PEAK1: variants seen among roughly 807,000 people sequenced by gnomAD.
The protein encoded by PEAK1 is inactive tyrosine-protein kinase PEAK1.
PEAK1 carries 54 observed loss-of-function variants against 124.7 expected under a neutral mutation model. The observed-to-expected ratio is 0.43, with a 90% CI of 0.35 to 0.54. PEAK1 has a LOEUF of 0.54. Among genes scored for constraint, PEAK1 ranks in the 20% least tolerant of loss-of-function variants. The pLI, the probability that PEAK1 is intolerant of heterozygous loss-of-function variation, is 0.01. For missense variants in PEAK1, 2,046 were observed against 2,134.5 expected (o/e 0.96, Z 0.82); for synonymous variants, 719 against 760.0 (o/e 0.95, Z 0.89).
At chr15:77,239,926 GT>G in intron 6 of PEAK1, 1 of 782,112 alleles carries the variant, frequency 1.3e-6, no homozygotes, top group East Asian at 1.3e-4. Flanking sequence ...ATATGTTTCT[GT>G]TTGTATTTTT....
At chr15:77,210,979 G>A (rs2058877147) in intron 6 of PEAK1, among the ~76,000 whole-genome samples, 1 of 152,176 alleles carries the variant, frequency 6.6e-6, no homozygotes, top group Admixed American at 6.5e-5. Context: ...ATTATCTCCA[G>A]GGTTTTCTAC....
At chr15:77,318,035 G>A (rs550489216) in intron 2 of PEAK1, among the ~76,000 whole-genome samples, 1 of 152,302 alleles carries the variant, frequency 6.6e-6, no homozygotes, top group Non-Finnish European at 1.5e-5. Flanking sequence ...AATTGGCAGG[G>A]GGAGGGAAGA....
At chr15:77,307,227 G>T (rs1007173303) in intron 2 of PEAK1, among the ~76,000 whole-genome samples, 2 of 152,102 alleles carry the variant, frequency 1.3e-5, no homozygotes, top group African/African-American at 2.4e-5. Context: ...GACATTAAGT[G>T]TATCACAGCT....
chr15:77,124,840 A>C (rs1004914216), intron 9 of PEAK1, among the ~76,000 whole-genome samples: 6 of 152,218 alleles, frequency 3.9e-5, no homozygotes, highest in Non-Finnish European at 7.3e-5. Context: ...TATTCTCTCA[A>C]TGTACTGCAT....
rs567482405 is a variant in PEAK1, at chr15:77,390,900, T to C, written c.-665-25675A>G. Among the ~76,000 whole-genome samples the C allele has an allele frequency of 6.6e-5, 10 of 152,322 alleles. No individual in the cohort carries two copies. In the East Asian group the frequency reaches 1.9e-3, roughly 29 times the overall value. ...CCTGGGGCACAATCCAGTAGACAGA[T>C]GCCCTGGGAATTCCAGGAACTCCTT... is the stretch of plus-strand genomic sequence containing the variant. On this transcript the variant is annotated intron_variant, in intron 1 of 9. Transcript: ENST00000682557.
intron 2 of PEAK1, among the ~76,000 whole-genome samples, chr15:77,321,716 C>T (rs548716309): frequency 1.1e-4 from 17 of 152,244 alleles, no homozygotes; most frequent in Non-Finnish European, 2.1e-4. Flanking sequence ...GTGTTTTAGA[C>T]GTGAAGTCCT....
chr15:77,380,617 C>G (rs1014023053), intron 1 of PEAK1, among the ~76,000 whole-genome samples: 1 of 152,018 alleles, frequency 6.6e-6, no homozygotes, highest in African/African-American at 2.4e-5. Flanking sequence ...TAGCTGGGAC[C>G]ACAGGCATGC....
chr15:77,299,291 T>C (rs2063669176), intron 2 of PEAK1, among the ~76,000 whole-genome samples: 1 of 152,222 alleles, frequency 6.6e-6, no homozygotes, highest in African/African-American at 2.4e-5. Context: ...TTGAAAGCTT[T>C]AAAAATTAAT....
intron 2 of PEAK1, among the ~76,000 whole-genome samples, chr15:77,310,287 G>A (rs1273789897): frequency 1.3e-5 from 2 of 152,164 alleles, no homozygotes; most frequent in African/African-American, 4.8e-5. Flanking sequence ...TAAGTCTGGG[G>A]TCCCTGAGTC....
In PEAK1 at chr15:77,179,726, A is replaced by ATC. The variant is rs770959927; in HGVS notation, c.2199_2200dup (p.Ile734ArgfsTer13). ...CACAGGCTCTTGAGTGGCTCTCTGG[A>ATC]TCTTTGCTGGGGAGCTGTGGCTGGA... On this transcript the variant is annotated frameshift_variant, in exon 7 of 10. Coordinates refer to ENST00000682557, the MANE Select transcript of PEAK1 (RefSeq NM_001385026.1). LOFTEE classifies it high-confidence loss of function. 2 of 1,612,948 alleles carry ATC rather than the reference A, an allele frequency of 1.2e-6. No individual in the cohort carries two copies. The highest frequency in any genetic ancestry group is 2.7e-5 in the African/African-American group (2 of 74,612).
At chr15:77,198,089 G>GTAGT (rs2058194966) in intron 6 of PEAK1, among the ~76,000 whole-genome samples, 1 of 152,058 alleles carries the variant, frequency 6.6e-6, no homozygotes, top group African/African-American at 2.4e-5. Flanking sequence ...ATGTAAAGAT[G>GTAGT]TAGTATTAAA....
intron 2 of PEAK1, among the ~76,000 whole-genome samples, chr15:77,356,734 C>A (rs1480252807): frequency 1.3e-5 from 2 of 152,074 alleles, no homozygotes; most frequent in African/African-American, 4.8e-5. Context: ...TCAAGGTGTG[C>A]ATATATAGAA....
At chr15:77,364,555 T>C (rs1412451904) in intron 2 of PEAK1, among the ~76,000 whole-genome samples, 1 of 152,172 alleles carries the variant, frequency 6.6e-6, no homozygotes, top group Non-Finnish European at 1.5e-5. Flanking sequence ...CTTACAACGA[T>C]GTATTTGGAA....
At chr15:77,229,640 CTTTT>C (rs1400731048) in intron 6 of PEAK1, among the ~76,000 whole-genome samples, 19 of 144,012 alleles carry the variant, frequency 1.3e-4, no homozygotes, top group Non-Finnish European at 2.5e-4. Flanking sequence ...CTGTTTCTTT[CTTTT>C]CTTTCTTTTT....
chr15:77,205,823 AT>A (rs1465976354), intron 6 of PEAK1, among the ~76,000 whole-genome samples: 3 of 151,996 alleles, frequency 2.0e-5, no homozygotes, highest in African/African-American at 4.8e-5. Flanking sequence ...ATTATTAATT[AT>A]TTTTTATTTT....
chr15:77,335,004 C>T (rs1207834001), intron 2 of PEAK1: 3 of 985,268 alleles, frequency 3.0e-6, no homozygotes, highest in Non-Finnish European at 3.6e-6. Context: ...GGGTTTGAGG[C>T]AGGAGGGTTG....
chr15:77,390,264 T>C (rs1040478520), intron 1 of PEAK1, among the ~76,000 whole-genome samples: 1 of 152,134 alleles, frequency 6.6e-6, no homozygotes, highest in African/African-American at 2.4e-5. Context: ...ACTGTATAAG[T>C]AAGAGCAGGA....
chr15:77,330,482 G>A (rs956392032), intron 2 of PEAK1, among the ~76,000 whole-genome samples: 1 of 130,262 alleles, frequency 7.7e-6, no homozygotes, highest in Admixed American at 7.7e-5. Flanking sequence ...AGTCCAAAGT[G>A]CTTACAAAAG....
chr15:77,141,040 G>A (rs544153409), intron 8 of PEAK1, among the ~76,000 whole-genome samples: 2 of 151,836 alleles, frequency 1.3e-5, no homozygotes, highest in Non-Finnish European at 2.9e-5. Context: ...TTCTAGTCAG[G>A]GATATTAGGA....
Sources: allele counts gnomAD v4.1 joint callset (sites outside exome capture counted in the v4.1 genomes callset), GRCh38; gene constraint gnomAD v4.1.1; transcripts MANE v1.5; gene names NCBI Gene and HGNC (gene_info 2026-07-23, HGNC 2026-07-21).